BCOR: variants seen among roughly 807,000 people sequenced by gnomAD.
BCOR encodes the protein BCL6 corepressor, also known as BCL-6 corepressor.
A neutral mutation model predicts 86.7 loss-of-function variants in BCOR; 10 were observed. The ratio of observed to expected loss-of-function variants is 0.12; its 90% CI spans 0.07 to 0.20. BCOR has a LOEUF of 0.20. BCOR is among the 10% of genes least tolerant of loss of function. The pLI, the probability that BCOR is intolerant of heterozygous loss-of-function variation, is 1.00. For synonymous variants in BCOR, 611 were observed against 609.0 expected (o/e 1.00, Z -0.05); for missense variants, 1,259 against 1,452.1 (o/e 0.87, Z 2.16).
chrX:40,110,993 G>A (rs1427859118), intron 1 of BCOR, among the ~76,000 whole-genome samples: 1 of 110,269 alleles, frequency 9.1e-6, no homozygotes, highest in African/African-American at 3.3e-5. Context: ...GATTACAGGC[G>A]TGAGCCACCA....
intron 1 of BCOR, among the ~76,000 whole-genome samples, chrX:40,079,359 G>C (rs952218675): frequency 8.9e-6 from 1 of 112,266 alleles, no homozygotes; most frequent in African/African-American, 3.2e-5. Flanking sequence ...CACCAGGTCC[G>C]GGGACTCTTC....
At position 40,074,441 on chromosome X, in the gene BCOR, T is replaced by G. The variant is rs2147258819; in HGVS notation, c.905A>C (p.His302Pro). The change falls in exon 4 of 15, where the codon CAC (histidine) becomes CCC (proline). Residue 302 changes from histidine to proline, a missense_variant. Coordinates refer to ENST00000378444, the MANE Select transcript of BCOR (RefSeq NM_001123385.2). Reference sequence around the variant, plus strand: ...ACTGTTCTGGATGTGAGGATAGGCGTGGGAATCAACAGGATTCCCAGGGCT... The same window carrying G: ...ACTGTTCTGGATGTGAGGATAGGCGGGGGAATCAACAGGATTCCCAGGGCT... ...GVSPGNPVDS[H>P]AYPHIQNSKQ... 1 of 1,207,985 alleles carries G rather than the reference T, an allele frequency of 8.3e-7. No homozygotes were observed. Among genetic ancestry groups the G allele is most frequent in the African/African-American group, 1.7e-5 (1 of 57,899 alleles).
At chrX:40,124,741 T>A in intron 1 of BCOR, among the ~76,000 whole-genome samples, 1 of 110,062 alleles carries the variant, frequency 9.1e-6, no homozygotes, top group Admixed American at 9.8e-5. Flanking sequence ...TCGCTGGGAC[T>A]ACAGGCACAC....
chrX:40,078,087 G>A (rs1935901661), intron 1 of BCOR, 118 bp from the exon 2 acceptor site: 1 of 503,901 alleles, frequency 2.0e-6, no homozygotes, highest in South Asian at 2.8e-5. Context: ...AAGGCAGGCT[G>A]TGCCTGCTGT....
intron 9 of BCOR, 130 bp from the exon 10 acceptor site, chrX:40,062,523 TG>T: frequency 3.6e-6 from 3 of 829,067 alleles, no homozygotes; most frequent in Non-Finnish European, 5.1e-6. Context: ...TTTTTGGGGG[TG>T]GGGGGTGCCT....
At chrX:40,082,794 C>T (rs1312747062) in intron 1 of BCOR, among the ~76,000 whole-genome samples, 2 of 111,756 alleles carry the variant, frequency 1.8e-5, no homozygotes, top group Non-Finnish European at 3.8e-5. Context: ...CAATAGCTGG[C>T]GCTGGCCACG....
At chrX:40,109,575 C>T (rs1407221352) in intron 1 of BCOR, among the ~76,000 whole-genome samples, 3 of 111,213 alleles carry the variant, frequency 2.7e-5, no homozygotes, top group Non-Finnish European at 5.7e-5. Flanking sequence ...GCCGGCCCCG[C>T]GGAGGGCGCC....
chrX:40,171,038 A>G (rs1938609641), intron 1 of BCOR, among the ~76,000 whole-genome samples: 1 of 111,906 alleles, frequency 8.9e-6, no homozygotes, highest in African/African-American at 3.3e-5. Context: ...ACACATGAAG[A>G]GACTGGCCAC....
intron 1 of BCOR, among the ~76,000 whole-genome samples, chrX:40,126,520 G>C (rs1241038199): frequency 1.2e-3 from 92 of 76,257 alleles, no homozygotes; most frequent in Non-Finnish European, 1.2e-3. Context: ...GCAAAATTCC[G>C]TCAAAAAAAA....
At chrX:40,076,302 C>A (rs1025157094) in intron 3 of BCOR, 152 bp downstream of exon 3, 2 of 452,737 alleles carry the variant, frequency 4.4e-6, no homozygotes, top group African/African-American at 2.4e-5. Flanking sequence ...GGGTGGGGGC[C>A]TTGTCCTCTC....
At chrX:40,171,114 C>T (rs139946574) in intron 1 of BCOR, among the ~76,000 whole-genome samples, 1 of 112,188 alleles carries the variant, frequency 8.9e-6, no homozygotes, top group Admixed American at 9.4e-5. Flanking sequence ...CATGTGAAGC[C>T]AGCCTGCTCC....
intron 6 of BCOR, among the ~76,000 whole-genome samples, chrX:40,067,601 C>T (rs922087310): frequency 7.2e-5 from 8 of 111,298 alleles, no homozygotes; most frequent in African/African-American, 1.3e-4. Context: ...GCTTCTTGTC[C>T]GCTCTCAAGA....
chrX:40,086,671 T>C (rs1222946430), intron 1 of BCOR, among the ~76,000 whole-genome samples: 1 of 113,976 alleles, frequency 8.8e-6, no homozygotes, highest in East Asian at 2.8e-4. Flanking sequence ...TTTGTGTAAG[T>C]GCTGAGGAGG....
In BCOR at chrX:40,150,607, C is replaced by G. The variant is rs1339262243; in HGVS notation, c.-41+26400G>C. ...TCAGAGAACCATCAAAGGGAGGGAA[C>G]AGGCGCCCTTCTCAGAACCATCACA... On this transcript the variant is annotated intron_variant, in intron 1 of 14. Transcript: ENST00000342274. 4.5e-5 allele frequency among the ~76,000 whole-genome samples: 5 copies of G among 111,986 alleles called. No homozygotes were observed. The Admixed American group carries it at 4.7e-4, about 11-fold the overall frequency.
intron 1 of BCOR, among the ~76,000 whole-genome samples, chrX:40,164,075 CTGG>C (rs1230763994): frequency 9.0e-6 from 1 of 111,138 alleles, no homozygotes; most frequent in Non-Finnish European, 1.9e-5. Context: ...TACTGCAATG[CTGG>C]TTTTCTGGAG....
chrX:40,061,521 T>C (rs1275549996), intron 10 of BCOR, among the ~76,000 whole-genome samples: 1 of 111,304 alleles, frequency 9.0e-6, no homozygotes, highest in Non-Finnish European at 1.9e-5. Context: ...TAAGCTATCA[T>C]TGTCATGGCC....
Position 40,054,036 on chromosome X carries a change from T to A in BCOR, c.4826A>T (p.Asp1609Val), listed in dbSNP as rs775566362. ...DFYGSSVCEP[D>V]DESGYDVLAN... ...TAAAACATCATAGCCACTTTCATCA[T>A]CTGGTTCTAATGGAGGGCAAATAAG... is the stretch of plus-strand genomic sequence containing the variant. The change falls in exon 14 of 15, where the codon GAT becomes GTT. Residue 1609 changes from aspartate (D) to valine (V), a missense_variant. This residue lies in a region of BCOR where 137 missense variants were observed against 149.8 expected (regional missense o/e 0.91). Coordinates refer to ENST00000378444, the MANE Select transcript of BCOR (RefSeq NM_001123385.2). The A allele has an allele frequency of 3.3e-6, 4 of 1,209,506 alleles. No individual in the cohort carries two copies. Among genetic ancestry groups the A allele is most frequent in the Non-Finnish European group, 4.5e-6 (4 of 894,909 alleles).
intron 1 of BCOR, among the ~76,000 whole-genome samples, chrX:40,132,279 G>A (rs779535295): frequency 8.9e-6 from 1 of 111,907 alleles, no homozygotes; most frequent in Non-Finnish European, 1.9e-5. Flanking sequence ...AGCTGAGTCC[G>A]TTCCAGAATT....
chrX:40,151,672 G>A (rs1240640329), intron 1 of BCOR, among the ~76,000 whole-genome samples: 1 of 113,153 alleles, frequency 8.8e-6, no homozygotes, highest in East Asian at 2.8e-4. Context: ...GGGAGCGACA[G>A]GCAGCCACGA....
Sources: gnomAD v4.1 joint callset for allele counts (sites outside exome capture counted in the v4.1 genomes callset) on GRCh38, gnomAD v4.1.1 for gene constraint, gnomAD v4.1.1 regional missense constraint, MANE v1.5 for transcripts, NCBI Gene and HGNC (gene_info 2026-07-23, HGNC 2026-07-21) for gene names.